Variants in COL25A1 observed in about 807,000 individuals in gnomAD.
The protein encoded by COL25A1 is collagen alpha-1(XXV) chain.
COL25A1 carries 103 observed loss-of-function variants against 128.4 expected under a neutral mutation model. The ratio of observed to expected loss-of-function variants is 0.80; its 90% CI spans 0.68 to 0.94. The LOEUF is 0.94. Among genes scored for constraint, COL25A1 ranks in the 40% least tolerant of loss-of-function variants. COL25A1 has a pLI of 0.00. For synonymous variants in COL25A1, 279 were observed against 277.2 expected, an observed-to-expected ratio of 1.01 and a Z score of -0.06; for missense variants, 745 against 840.0, an observed-to-expected ratio of 0.89 and a Z score of 1.40.
At chr4:109,258,222 G>A (rs1781203303) in intron 3 of COL25A1, among the ~76,000 whole-genome samples, 1 of 152,148 alleles carries the variant, frequency 6.6e-6, no homozygotes, top group South Asian at 2.1e-4. Flanking sequence ...CTAAAACACT[G>A]TTTTGACCAT....
chr4:109,179,674 C>T (rs150307409), intron 3 of COL25A1, among the ~76,000 whole-genome samples: 10 of 152,268 alleles, frequency 6.6e-5, no homozygotes, highest in Non-Finnish European at 1.3e-4. Context: ...TTCCACAAAA[C>T]CAAACTTGAA....
intron 3 of COL25A1, among the ~76,000 whole-genome samples, chr4:109,240,337 T>A (rs1223676562): frequency 1.3e-5 from 2 of 152,090 alleles, no homozygotes; most frequent in African/African-American, 4.8e-5. Context: ...TCACAACAGC[T>A]ATGACATTAT....
chr4:109,223,258 G>C (rs980151365), intron 3 of COL25A1, among the ~76,000 whole-genome samples: 1 of 152,022 alleles, frequency 6.6e-6, no homozygotes, highest in African/African-American at 2.4e-5. Context: ...CACCAATGTG[G>C]ACTTACCCAA....
chr4:109,114,900 T>C (rs1480665723), intron 3 of COL25A1, among the ~76,000 whole-genome samples: 2 of 151,912 alleles, frequency 1.3e-5, no homozygotes, highest in Admixed American at 1.3e-4. Flanking sequence ...CATAAGAAAA[T>C]TACCAGCATA....
chr4:109,137,032 G>A (rs1032919388), intron 3 of COL25A1, among the ~76,000 whole-genome samples: 3 of 152,124 alleles, frequency 2.0e-5, no homozygotes, highest in Non-Finnish European at 4.4e-5. Flanking sequence ...TGACAGACCC[G>A]GAGTCAGAAC....
At chr4:108,983,643 T>C (rs1018307909) in intron 6 of COL25A1, among the ~76,000 whole-genome samples, 7 of 152,094 alleles carry the variant, frequency 4.6e-5, no homozygotes, top group African/African-American at 1.7e-4. Flanking sequence ...TGGAGTTTGT[T>C]CGGATGTGTT....
rs1317711974 is a variant in COL25A1, at chr4:108,834,273, G to A, written c.1657-1840C>T. On this transcript the variant is annotated intron_variant, in intron 31 of 37. Coordinates refer to ENST00000399132, the MANE Select transcript of COL25A1 (RefSeq NM_198721.4). ...GTACACCCTCATCATTTGATGAGAG[G>A]ACATGGAGCAAAGGGGTCTGTGCTG... The A allele has an allele frequency of 2.2e-6, 3 of 1,354,448 alleles. No individual in the cohort carries two copies. The African/African-American group carries it at 4.3e-5, about 20-fold the overall frequency. The allele number at this position is 1,354,448 out of a possible 1,614,324, so 83.9% of individuals were successfully genotyped here.
rs576596524 is a variant in COL25A1 at position 109,090,892 on chromosome 4, C to T, written c.368-40713G>A. On this transcript the variant is annotated intron_variant, in intron 3 of 37. Coordinates refer to ENST00000399132, the MANE Select transcript of COL25A1 (RefSeq NM_198721.4). ...AATCAAAGTTGCTAACATTTATAGC[C>T]TGGGTTGAACAAAGGGAACATTTTC... is the stretch of plus-strand genomic sequence containing the variant. Among the ~76,000 whole-genome samples the T allele has an allele frequency of 2.0e-5, 3 of 152,202 alleles. No individual in the cohort carries two copies. In the South Asian group the frequency reaches 6.2e-4, roughly 32 times the overall value.
chr4:108,901,295 G>A, intron 13 of COL25A1, 123 bp from the exon 14 acceptor site: 1 of 708,758 alleles, frequency 1.4e-6, no homozygotes, highest in Non-Finnish European at 2.4e-6. Context: ...GTGACTATTA[G>A]TTTAAATTCA....
At chr4:109,047,643 T>G (rs768803475) in intron 5 of COL25A1, among the ~76,000 whole-genome samples, 4 of 152,056 alleles carry the variant, frequency 2.6e-5, no homozygotes, top group Non-Finnish European at 5.9e-5. Context: ...TAAAACAAAT[T>G]TAAATGGACA....
At chr4:109,001,386 C>CCTGTCAGGTAGGCATCTGAGATA in intron 6 of COL25A1, among the ~76,000 whole-genome samples, 8 of 152,156 alleles carry the variant, frequency 5.3e-5, no homozygotes, top group African/African-American at 9.7e-5. Flanking sequence ...CATCTGAGAT[C>CCTGTCAGGTAGGCATCTGAGATA]CTGTCAGGTA....
At chr4:109,090,640 A>G (rs1402642816) in intron 3 of COL25A1, among the ~76,000 whole-genome samples, 1 of 152,210 alleles carries the variant, frequency 6.6e-6, no homozygotes, top group East Asian at 1.9e-4. Context: ...TTTTTAAAAA[A>G]GCAAAAACCT....
intron 3 of COL25A1, among the ~76,000 whole-genome samples, chr4:109,207,267 GTGA>G (rs1351155235): frequency 6.6e-6 from 1 of 152,118 alleles, no homozygotes; most frequent in Non-Finnish European, 1.5e-5. Flanking sequence ...GTGTGTATAT[GTGA>G]TACAGCTGAG....
intron 3 of COL25A1, among the ~76,000 whole-genome samples, chr4:109,103,755 C>T (rs560798735): frequency 2.0e-5 from 3 of 152,138 alleles, no homozygotes; most frequent in Admixed American, 6.5e-5. Context: ...AGCGTTCTGT[C>T]AAAGGGCTCA....
chr4:109,147,071 G>A (rs1771012951), intron 3 of COL25A1, among the ~76,000 whole-genome samples: 2 of 152,298 alleles, frequency 1.3e-5, no homozygotes, highest in Non-Finnish European at 1.5e-5. Flanking sequence ...GGCAAGAGAA[G>A]GGGTAAAATC....
intron 5 of COL25A1, among the ~76,000 whole-genome samples, chr4:109,013,583 C>T (rs1028400302): frequency 3.3e-5 from 5 of 151,918 alleles, no homozygotes; most frequent in Admixed American, 6.6e-5. Flanking sequence ...ACACTCACCA[C>T]GAAGGTCTGC....
chr4:109,097,798 G>A (rs527252718), intron 3 of COL25A1, among the ~76,000 whole-genome samples: 1 of 150,784 alleles, frequency 6.6e-6, no homozygotes, highest in Admixed American at 6.6e-5. Flanking sequence ...CCAGTAGCTC[G>A]TACCACAGGT....
At chr4:108,843,910 TTA>T (rs1734765681) in intron 30 of COL25A1, among the ~76,000 whole-genome samples, 4 of 151,944 alleles carry the variant, frequency 2.6e-5, no homozygotes, top group South Asian at 2.1e-4. Flanking sequence ...ATTATTATTA[TTA>T]TTTTTGAGAT....
intron 3 of COL25A1, among the ~76,000 whole-genome samples, chr4:109,069,968 AT>A (rs201884527): frequency 0.08 from 10,161 of 127,226 alleles, 421 homozygotes; most frequent in South Asian, 0.12. Context: ...AAGAGCAATA[AT>A]TTTTTTTTTT....
Sources: gnomAD v4.1 joint callset for allele counts (sites outside exome capture counted in the v4.1 genomes callset) on GRCh38, gnomAD v4.1.1 for gene constraint, MANE v1.5 for transcripts, NCBI Gene and HGNC (gene_info 2026-07-23, HGNC 2026-07-21) for gene names.